NUP214: variants seen among roughly 807,000 people sequenced by gnomAD.
NUP214 encodes the protein nuclear pore complex protein Nup214.
A neutral mutation model predicts 196.2 loss-of-function variants in NUP214; 79 were observed. The observed-to-expected ratio is 0.40, with a 90% confidence interval of 0.34 to 0.49. The LOEUF (loss-of-function observed/expected upper bound fraction) is 0.49, where lower values mean the gene tolerates loss of function less well. Among genes scored for constraint, NUP214 ranks in the 20% least tolerant of loss-of-function variants. The pLI is 0.58. For synonymous variants in NUP214, 1,020 were observed against 990.5 expected, an observed-to-expected ratio of 1.03 and a Z score of -0.56; for missense variants, 2,468 against 2,539.0, an observed-to-expected ratio of 0.97 and a Z score of 0.60.
intron 24 of NUP214, among the ~76,000 whole-genome samples, chr9:131,179,801 T>C (rs1171067059): frequency 1.3e-5 from 2 of 152,230 alleles, no homozygotes; most frequent in Non-Finnish European, 2.9e-5. Flanking sequence ...ATTACTATTT[T>C]GTAGTGACCT....
chr9:131,140,743 A>C, intron 11 of NUP214, 33 bp downstream of exon 11: 1 of 1,593,326 alleles, frequency 6.3e-7, no homozygotes, highest in Non-Finnish European at 8.6e-7. Context: ...TCAGTAAGGG[A>C]ATACCATGGG....
intron 11 of NUP214, among the ~76,000 whole-genome samples, chr9:131,142,372 G>T (rs931842440): frequency 6.6e-6 from 1 of 152,230 alleles, no homozygotes; most frequent in South Asian, 2.1e-4. Context: ...TGGTCCAGAG[G>T]TTATAGTTGT....
chr9:131,139,497 C>G (rs1831845258), intron 10 of NUP214, 90 bp downstream of exon 10: 1 of 1,548,560 alleles, frequency 6.5e-7, no homozygotes, highest in African/African-American at 1.4e-5. Flanking sequence ...CTGACAGAGT[C>G]TACTCTGCTG....
intron 5 of NUP214, among the ~76,000 whole-genome samples, chr9:131,132,067 T>A (rs1831563401): frequency 1.3e-5 from 2 of 152,000 alleles, no homozygotes. Context: ...ACTACTCTCA[T>A]TACCTATATC....
Position 131,198,432 on chromosome 9 carries a change from T to C in NUP214, c.4938T>C (p.Ala1646=). ...TCACTTCTGGCTCATCCGTCTTTGC[T>C]CAGCCTCCTGCTGCCAGTTCTAGCT... ...GTVTSGSSVF[A]QPPAASSSSA... The change falls in exon 29 of 36, where the codon GCT becomes GCC. Residue 1646 remains alanine, a synonymous_variant. Transcript: ENST00000359428. 6.2e-7 allele frequency: 1 copy of C among 1,614,224 alleles called. No homozygotes were observed. The highest frequency in any genetic ancestry group is 8.5e-7 in the Non-Finnish European group (1 of 1,180,038).
chr9:131,135,154 A>G (rs1044428376), intron 8 of NUP214, 150 bp downstream of exon 8: 26 of 569,954 alleles, frequency 4.6e-5, no homozygotes, highest in Admixed American at 2.3e-4. Context: ...CAGTGGCACG[A>G]TTGTAGCTCA....
intron 30 of NUP214, among the ~76,000 whole-genome samples, chr9:131,207,450 T>A (rs1834118019): frequency 6.6e-6 from 1 of 152,222 alleles, no homozygotes; most frequent in Non-Finnish European, 1.5e-5. Context: ...GCTGAACACC[T>A]ACATTTGGCC....
intron 23 of NUP214, among the ~76,000 whole-genome samples, chr9:131,177,134 A>G (rs1833142249): frequency 6.6e-6 from 1 of 152,346 alleles, no homozygotes. Context: ...CTAAAAAGAC[A>G]TAATAGTTTG....
chr9:131,152,880 A>G (rs1832316203), intron 17 of NUP214, among the ~76,000 whole-genome samples: 1 of 151,832 alleles, frequency 6.6e-6, no homozygotes, highest in South Asian at 2.1e-4. Flanking sequence ...GGCTCAAGTG[A>G]TCCTCCCACC....
chr9:131,131,953 T>C (rs1214712766), intron 5 of NUP214, among the ~76,000 whole-genome samples: 1 of 152,086 alleles, frequency 6.6e-6, no homozygotes, highest in Non-Finnish European at 1.5e-5. Flanking sequence ...CCTTCCAAAG[T>C]GCTGGGATTA....
Position 131,130,137 on chromosome 9 carries a change from G to GTTTTTTTTTTTGTT in NUP214, c.593-618_593-617insGTTTTTTTTTTTTT, listed in dbSNP as rs1554728065. ...GAGCAGGAGAATGATTTCTGGTTTT[G>GTTTTTTTTTTTGTT]TTTTTTTTTTTTTGTTTTTTTTTTG... is the stretch of plus-strand genomic sequence containing the variant. On this transcript the variant is annotated intron_variant, in intron 4 of 35. Transcript: ENST00000359428. Among the ~76,000 whole-genome samples the GTTTTTTTTTTTGTT allele has an allele frequency of 4.4e-4, 34 of 76,892 alleles. 2 individuals are homozygous for GTTTTTTTTTTTGTT. The highest frequency in any genetic ancestry group is 6.2e-4 in the Non-Finnish European group (27 of 43,278). 50.4% of individuals were successfully genotyped at this position (76,892 alleles called of 152,430 possible). A position where few individuals can be genotyped will look rare whatever the true frequency, so the allele number is the denominator to read the frequency against.
chr9:131,130,137 G>GTTTTTTTTTTTGTTTTT (rs1554728065), intron 4 of NUP214, among the ~76,000 whole-genome samples: 3 of 76,892 alleles, frequency 3.9e-5, no homozygotes, highest in Non-Finnish European at 6.9e-5. Flanking sequence ...TTCTGGTTTT[G>GTTTTTTTTTTTGTTTTT]TTTTTTTTTT....
intron 11 of NUP214, among the ~76,000 whole-genome samples, chr9:131,142,593 T>C (rs1034428323): frequency 5.3e-5 from 8 of 152,226 alleles, no homozygotes; most frequent in Middle Eastern, 3.2e-3. Context: ...ATGCTTTTGA[T>C]TTATTTAGGG....
chr9:131,197,075 G>A (rs1833809164), intron 28 of NUP214, 141 bp from the exon 29 acceptor site: 1 of 1,154,540 alleles, frequency 8.7e-7, no homozygotes, highest in African/African-American at 1.6e-5. Flanking sequence ...CACCTCCTTA[G>A]AGAAAGCTGC....
chr9:131,223,163 T>C (rs541112018), intron 32 of NUP214, among the ~76,000 whole-genome samples: 2 of 137,606 alleles, frequency 1.5e-5, no homozygotes, highest in South Asian at 4.4e-4. Context: ...TAATGCAACA[T>C]TTTTTTTTCT....
intron 17 of NUP214, among the ~76,000 whole-genome samples, chr9:131,153,896 T>C (rs149947607): frequency 5.4e-4 from 82 of 152,286 alleles, no homozygotes; most frequent in Middle Eastern, 3.4e-3. Flanking sequence ...AAGACGAACA[T>C]GTAAATGTAG....
intron 24 of NUP214, among the ~76,000 whole-genome samples, chr9:131,185,225 CA>C (rs1246919825): frequency 3.2e-4 from 49 of 152,306 alleles, no homozygotes; most frequent in African/African-American, 1.2e-3. Context: ...ATCCATGGAA[CA>C]TGTGTGCATT....
At chr9:131,230,380 A>G (rs770382567) in intron 33 of NUP214, 9 of 492,744 alleles carry the variant, frequency 1.8e-5, no homozygotes, top group Admixed American at 3.5e-5. Flanking sequence ...CCAATGGGGG[A>G]TGGAAACTAA....
intron 25 of NUP214, among the ~76,000 whole-genome samples, chr9:131,188,764 G>A (rs1327150070): frequency 6.6e-6 from 1 of 152,176 alleles, no homozygotes; most frequent in Non-Finnish European, 1.5e-5. Flanking sequence ...CTTTTGATGT[G>A]CTAAGCACTG....
Sources: allele counts gnomAD v4.1 joint callset (sites outside exome capture counted in the v4.1 genomes callset), GRCh38; gene constraint gnomAD v4.1.1; transcripts MANE v1.5; gene names NCBI Gene and HGNC (gene_info 2026-07-23, HGNC 2026-07-21).